TMIGD3: variants seen among roughly 807,000 people sequenced by gnomAD.
The protein encoded by TMIGD3 is AD026 protein (AD026).
Under a neutral mutation model 28.1 loss-of-function variants are expected in TMIGD3, and 21 were observed. The ratio of observed to expected loss-of-function variants is 0.75; its 90% confidence interval spans 0.53 to 1.08. The LOEUF (loss-of-function observed/expected upper bound fraction) is 1.08, where lower values mean the gene tolerates loss of function less well. Among genes scored for constraint, TMIGD3 ranks in the 50% least tolerant of loss-of-function variants. TMIGD3 has a pLI of 0.00. For synonymous variants in TMIGD3, 151 were observed against 162.1 expected (o/e 0.93, Z 0.52); for missense variants, 416 against 435.6 (o/e 0.96, Z 0.40).
chr1:111,540,111 T>C (rs1656767510), intron 1 of TMIGD3, among the ~76,000 whole-genome samples: 1 of 152,210 alleles, frequency 6.6e-6, no homozygotes, highest in Non-Finnish European at 1.5e-5. Context: ...CAATTGCTAA[T>C]TGGGAATGTG....
At chr1:111,520,214 G>T (rs55796542) in intron 1 of TMIGD3, among the ~76,000 whole-genome samples, 43,001 of 152,064 alleles carry the variant, frequency 0.28, 6,689 homozygotes, top group East Asian at 0.67. Context: ...CTTTTATGGA[G>T]GAAACGATAG....
At chr1:111,553,218 T>C (rs1407624173) in intron 1 of TMIGD3, among the ~76,000 whole-genome samples, 1 of 152,216 alleles carries the variant, frequency 6.6e-6, no homozygotes, top group African/African-American at 2.4e-5. Context: ...AATAAAAATG[T>C]CTTTCTCCAA....
intron 1 of TMIGD3, among the ~76,000 whole-genome samples, chr1:111,541,863 G>A (rs1373955451): frequency 6.6e-6 from 1 of 152,176 alleles, no homozygotes; most frequent in East Asian, 1.9e-4. Context: ...AAGAAACTGC[G>A]AGTGAATGCA....
At chr1:111,563,414 G>A (rs184386788) in intron 1 of TMIGD3, among the ~76,000 whole-genome samples, 1 of 152,308 alleles carries the variant, frequency 6.6e-6, no homozygotes, top group Admixed American at 6.5e-5. Flanking sequence ...GAAATGTCAG[G>A]ATGTGGCTCC....
intron 1 of TMIGD3, among the ~76,000 whole-genome samples, chr1:111,545,618 T>G (rs1657007834): frequency 6.6e-6 from 1 of 152,150 alleles, no homozygotes; most frequent in Admixed American, 6.5e-5. Flanking sequence ...ACTAAAGTTT[T>G]TAATTTTGAT....
At chr1:111,534,621 G>T (rs114397413) in intron 1 of TMIGD3, among the ~76,000 whole-genome samples, 1 of 152,142 alleles carries the variant, frequency 6.6e-6, no homozygotes, top group Non-Finnish European at 1.5e-5. Flanking sequence ...CCCTTCCCAT[G>T]ACCTGAAGTG....
chr1:111,521,595 T>C (rs1298790927), intron 1 of TMIGD3, among the ~76,000 whole-genome samples: 1 of 152,214 alleles, frequency 6.6e-6, no homozygotes, highest in African/African-American at 2.4e-5. Flanking sequence ...CTATTAAATT[T>C]TGTGCCCATT....
At chr1:111,535,987 C>A (rs1656626541) in intron 1 of TMIGD3, among the ~76,000 whole-genome samples, 1 of 152,132 alleles carries the variant, frequency 6.6e-6, no homozygotes, top group African/African-American at 2.4e-5. Flanking sequence ...GCCCAGGCAC[C>A]CCCTCCTCTC....
intron 1 of TMIGD3, among the ~76,000 whole-genome samples, chr1:111,540,036 C>A (rs1158489893): frequency 6.6e-6 from 1 of 152,156 alleles, no homozygotes; most frequent in African/African-American, 2.4e-5. Context: ...CACAGGGAAA[C>A]TGAAATTTAA....
In TMIGD3 at chr1:111,503,049, C is replaced by A. The variant is rs1375534796; in HGVS notation, c.306G>T (p.Leu102=). ...IFTHASIMSL[L]AIAVDRYLRV... is the part of the protein sequence containing the mutation. ...GCAAGTATCGGTCCACAGCGATGGC[C>A]AGCAAGGACATGATGGAGGCGTGGG... The change falls in exon 1 of 6, where the codon CTG becomes CTT. Residue 102 remains leucine (L), a synonymous_variant. Transcript: ENST00000369716. The A allele has an allele frequency of 6.2e-7, 1 of 1,614,192 alleles. No individual in the cohort carries two copies. The highest frequency in any genetic ancestry group is 1.7e-5 in the Admixed American group (1 of 60,022).
At chr1:111,507,319 G>A (rs1655543334), upstream of TMIGD3, among the ~76,000 whole-genome samples, 1 of 152,014 alleles carries the variant, frequency 6.6e-6, no homozygotes, top group Non-Finnish European at 1.5e-5. Context: ...CTCCATCAGG[G>A]AAGCAAAGAT....
chr1:111,483,812 A>G, intron 5 of TMIGD3, 55 bp from the exon 6 acceptor site: 1 of 1,451,666 alleles, frequency 6.9e-7, no homozygotes, highest in Non-Finnish European at 9.7e-7. Flanking sequence ...CCTACCCCTG[A>G]AGAGTGTTTC....
intron 1 of TMIGD3, among the ~76,000 whole-genome samples, chr1:111,502,591 C>T (rs1420559893): frequency 2.0e-5 from 3 of 149,834 alleles, no homozygotes; most frequent in South Asian, 4.2e-4. Flanking sequence ...TGCAAAACAA[C>T]AGAACCATCA....
intron 1 of TMIGD3, among the ~76,000 whole-genome samples, chr1:111,527,232 G>C (rs7527958): frequency 6.6e-6 from 1 of 151,760 alleles, no homozygotes; most frequent in Admixed American, 6.6e-5. Context: ...GGCTGGTCTC[G>C]AACTCCTGAC....
intron 3 of TMIGD3, among the ~76,000 whole-genome samples, chr1:111,488,015 G>C (rs1477197811): frequency 6.6e-6 from 1 of 152,054 alleles, no homozygotes; most frequent in Non-Finnish European, 1.5e-5. Flanking sequence ...ATGTTGCCCA[G>C]GCTGGTCTTA....
At chr1:111,505,050 CT>C (rs781208497), upstream of TMIGD3, 15 of 976,242 alleles carry the variant, frequency 1.5e-5, no homozygotes, top group East Asian at 1.5e-3. Context: ...AATGTTTCTA[CT>C]GTAATTGTTT....
chr1:111,486,753 G>GAC, intron 3 of TMIGD3, 101 bp from the exon 4 acceptor site: 1 of 984,904 alleles, frequency 1.0e-6, no homozygotes, highest in Non-Finnish European at 1.6e-6. Flanking sequence ...TCCAGAGAGT[G>GAC]AGTCCCCTGG....
chr1:111,523,438 G>A (rs560581714), intron 1 of TMIGD3, among the ~76,000 whole-genome samples: 2 of 152,088 alleles, frequency 1.3e-5, no homozygotes, highest in African/African-American at 4.8e-5. Context: ...ATTGGTCTAT[G>A]ATTTTTTTTT....
chr1:111,511,399 T>C (rs1033460785), intron 1 of TMIGD3, among the ~76,000 whole-genome samples: 1 of 152,212 alleles, frequency 6.6e-6, no homozygotes, highest in Admixed American at 6.5e-5. Flanking sequence ...TCTCCTTCCC[T>C]GTAAGAATGC....
Sources: gnomAD v4.1 joint callset for allele counts (sites outside exome capture counted in the v4.1 genomes callset) on GRCh38, gnomAD v4.1.1 for gene constraint, MANE v1.5 for transcripts, NCBI Gene and HGNC (gene_info 2026-07-23, HGNC 2026-07-21) for gene names.